Variants in BSG observed in about 807,000 individuals in gnomAD.
The protein encoded by BSG is basigin (Ok blood group), also known as basigin.
Under a neutral mutation model 43.1 loss-of-function variants are expected in BSG, and 37 were observed. The ratio of observed to expected loss-of-function variants is 0.86; its 90% CI spans 0.66 to 1.13. BSG has a LOEUF of 1.13. Among genes scored for constraint, BSG ranks in the 50% most tolerant of loss-of-function variants. The pLI is 0.00. For synonymous variants in BSG, 309 were observed against 238.7 expected (o/e 1.29, Z -2.72); for missense variants, 599 against 554.2 (o/e 1.08, Z -0.81).
chr19:581,356 C>T lies in BSG; in HGVS notation c.834C>T (p.Ser278=). The T allele has an allele frequency of 6.2e-7, 1 of 1,612,816 alleles. No individual in the cohort carries two copies. Among genetic ancestry groups the T allele is most frequent in the Non-Finnish European group, 8.5e-7 (1 of 1,179,912 alleles). Residue 278 remains serine, a synonymous_variant, in exon 6 of 9, where the codon TCC becomes TCT. Coordinates refer to ENST00000333511, the MANE Select transcript of BSG (RefSeq NM_001728.4). ...NGSESRFFVS[S]SQGRSELHIE... ...CCGAGAGCAGGTTCTTCGTGAGTTC[C>T]TCGCAGGGCCGGTCAGAGCTACACA...
intron 1 of BSG, among the ~76,000 whole-genome samples, chr19:576,047 C>T (rs956007703): frequency 5.9e-5 from 9 of 152,218 alleles, no homozygotes; most frequent in Admixed American, 3.9e-4. Flanking sequence ...CCTTTGGGAG[C>T]GATGCTGCCC....
chr19:571,488 A>G, upstream of BSG: 1 of 777,870 alleles, frequency 1.3e-6, no homozygotes, highest in Non-Finnish European at 2.4e-6. Flanking sequence ...CGTTGCTGAG[A>G]GTCTGGGTTT....
At position 579,528 on chromosome 19, in the gene BSG, C is replaced by T. The variant is rs145196054; in HGVS notation, c.444C>T (p.Asp148=). Residue 148 remains aspartate, a synonymous_variant, in exon 3 of 9, where the codon GAC becomes GAT. Coordinates refer to ENST00000333511, the MANE Select transcript of BSG (RefSeq NM_001728.4). ...EPGTVFTTVE[D]LGSKILLTCS... Reference sequence around the variant, plus strand: ...GCACAGTCTTCACTACCGTAGAAGACCTTGGCTCCAAGATACTCCTCACCT... The same window carrying T: ...GCACAGTCTTCACTACCGTAGAAGATCTTGGCTCCAAGATACTCCTCACCT... 6 of 1,612,714 alleles carry T rather than the reference C, an allele frequency of 3.7e-6. No individual in the cohort carries two copies. Among genetic ancestry groups the T allele is most frequent in the Non-Finnish European group, 5.1e-6 (6 of 1,179,926 alleles).
upstream of BSG, chr19:572,294 G>C (rs774465404): frequency 7.3e-5 from 54 of 740,382 alleles, no homozygotes; most frequent in Non-Finnish European, 8.8e-5. Flanking sequence ...CAACCCCCTC[G>C]GGCGCACCGC....
chr19:572,654 T>C lies in BSG; in HGVS notation c.20T>C (p.Val7Ala), dbSNP rs1981363395. MAAALF[V>A]LLGFALLGTH... Reference sequence around the variant, plus strand: ...GGAATCATGGCGGCTGCGCTGTTCGTGCTGCTGGGATTCGCGCTGCTGGGC... The same window carrying C: ...GGAATCATGGCGGCTGCGCTGTTCGCGCTGCTGGGATTCGCGCTGCTGGGC... The change falls in exon 1 of 9, where the codon GTG becomes GCG. Residue 7 changes from valine (V) to alanine (A), a missense_variant. By Grantham distance (64) the Val-to-Ala change is moderately conservative (BLOSUM62 0). Transcript: ENST00000333511. The C allele has an allele frequency of 2.7e-6, 4 of 1,506,848 alleles. No homozygotes were observed. Among genetic ancestry groups the C allele is most frequent in the Admixed American group, 2.2e-5 (1 of 45,956 alleles). 93.3% of individuals were successfully genotyped at this position (1,506,848 alleles called of 1,614,324 possible).
At chr19:571,612 A>T, upstream of BSG, 1 of 779,504 alleles carries the variant, frequency 1.3e-6, no homozygotes, top group East Asian at 2.4e-5. Flanking sequence ...ACAGAATGGG[A>T]TCCAAATGGG....
rs991578481 is a variant in BSG at position 578,390 on chromosome 19, C to T, written c.415+269C>T. 5.3e-5 allele frequency among the ~76,000 whole-genome samples: 8 copies of T among 152,218 alleles called. No homozygotes were observed. The East Asian group carries it at 7.7e-4, about 15-fold the overall frequency. On this transcript the variant is annotated intron_variant, in intron 2 of 8. Coordinates refer to ENST00000333511, the MANE Select transcript of BSG (RefSeq NM_001728.4). ...TCCTCCCCTCGACCCTCGTGCCATC[C>T]GTTCCGTCGTTTCTGCTTCCCCGGG...
chr19:573,007 C>CCAGGCCGGTCTTGGT (rs1305887452), intron 1 of BSG, among the ~76,000 whole-genome samples: 2 of 152,036 alleles, frequency 1.3e-5, no homozygotes, highest in Non-Finnish European at 2.9e-5. Flanking sequence ...GGGGTCCTGG[C>CCAGGCCGGTCTTGGT]CAGGCCGGTC....
At chr19:579,220 G>T (rs930752677) in intron 2 of BSG, 1 of 554,068 alleles carries the variant, frequency 1.8e-6, no homozygotes, top group Admixed American at 2.2e-5. Flanking sequence ...GGTTCCCAGC[G>T]CCTTAGCCCA....
At chr19:577,417 G>C (rs1284154666) in intron 1 of BSG, among the ~76,000 whole-genome samples, 13 of 152,162 alleles carry the variant, frequency 8.5e-5, no homozygotes. Flanking sequence ...TCAGGGTATC[G>C]GGCAGAAGTC....
At chr19:571,422 A>T, upstream of BSG, 2 of 723,318 alleles carry the variant, frequency 2.8e-6, no homozygotes, top group East Asian at 2.5e-5. Flanking sequence ...GTGTCGCCCC[A>T]ATAGCGACTT....
At position 578,157 on chromosome 19, in the gene BSG, G is replaced by C. The variant is rs201391206; in HGVS notation, c.415+36G>C. 3.6e-4 allele frequency: 536 copies of C among 1,492,178 alleles called. 3 individuals are homozygous for C. In the East Asian group the frequency reaches 0.012, roughly 33 times the overall value. 92.4% of individuals were successfully genotyped at this position (1,492,178 alleles called of 1,614,324 possible). A position where few individuals can be genotyped will look rare whatever the true frequency, so the allele number is the denominator to read the frequency against. On this transcript the variant is annotated intron_variant, in intron 2 of 8. Coordinates refer to ENST00000333511, the MANE Select transcript of BSG (RefSeq NM_001728.4). Reference sequence around the variant, plus strand: ...GGCACCTCCCTCCCCGCCTCCCTCAGTTTCCCTCCTGTGCCGCTCGCCTCC... The same window carrying C: ...GGCACCTCCCTCCCCGCCTCCCTCACTTTCCCTCCTGTGCCGCTCGCCTCC...
rs1296111657 is a variant in BSG at position 578,020 on chromosome 19, C to G, written c.314C>G (p.Thr105Ser). Residue 105 changes from threonine (T) to serine (S), a missense_variant, in exon 2 of 9, where the codon ACT becomes AGT. By Grantham distance (58) the Thr-to-Ser change is moderately conservative. Transcript: ENST00000333511. Reference protein sequence around the residue: ...IDTLVEEDTGTYECRASNDPD... With the variant: ...IDTLVEEDTGSYECRASNDPD... ...ACGCTCGTGGAGGAGGACACGGGCA[C>G]TTACGAGTGCCGGGCCAGCAACGAC... The G allele has an allele frequency of 1.9e-6, 3 of 1,611,936 alleles. No homozygotes were observed. The highest frequency in any genetic ancestry group is 2.5e-6 in the Non-Finnish European group (3 of 1,179,590).
rs997890584 is a variant in BSG at position 582,650 on chromosome 19, G to T, written c.*5+68G>T. The T allele has an allele frequency of 4.9e-6, 7 of 1,416,042 alleles. No individual in the cohort carries two copies. The African/African-American group carries it at 1.0e-4, about 20-fold the overall frequency. The allele number at this position is 1,416,042 out of a possible 1,614,324, so 87.7% of individuals were successfully genotyped here. ...GGGTGGGCGGGAACTCCTGAGCCAGGTGTGGTGGGCGGGATCTGCTAGCCA... is the reference window on the plus strand; with the variant it reads ...GGGTGGGCGGGAACTCCTGAGCCAGTTGTGGTGGGCGGGATCTGCTAGCCA... On this transcript the variant is annotated intron_variant, in intron 8 of 8. Transcript: ENST00000333511.
intron 1 of BSG, among the ~76,000 whole-genome samples, chr19:576,225 CAG>C (rs1981761230): frequency 6.6e-6 from 1 of 152,198 alleles, no homozygotes; most frequent in Non-Finnish European, 1.5e-5. Context: ...TGAGGTGAGT[CAG>C]GGGCCAGCCC....
intron 1 of BSG, among the ~76,000 whole-genome samples, chr19:573,070 A>AGGTTGAGGATCTCG (rs144098777): frequency 0.14 from 21,350 of 151,170 alleles, 1,739 homozygotes; most frequent in South Asian, 0.26. Context: ...GTTGGGGGTG[A>AGGTTGAGGATCTCG]CCTGCTTCCT....
chr19:571,293 C>T, upstream of BSG: 2 of 570,982 alleles, frequency 3.5e-6, no homozygotes, highest in South Asian at 2.1e-5. Flanking sequence ...AGTGTAGCCA[C>T]ATTCCTGCCC....
chr19:577,064 T>A (rs1981841837), intron 1 of BSG, among the ~76,000 whole-genome samples: 1 of 152,164 alleles, frequency 6.6e-6, no homozygotes, highest in Non-Finnish European at 1.5e-5. Flanking sequence ...CTCCCCACGC[T>A]TCCCCTTGGG....
At chr19:578,162 C>T (rs1452011559) in intron 2 of BSG, 41 bp downstream of exon 2, 7 of 1,473,014 alleles carry the variant, frequency 4.8e-6, no homozygotes, top group Non-Finnish European at 5.4e-6. Flanking sequence ...CCTCAGTTTC[C>T]CTCCTGTGCC....
Sources: allele counts gnomAD v4.1 joint callset (sites outside exome capture counted in the v4.1 genomes callset), GRCh38; gene constraint gnomAD v4.1.1; transcripts MANE v1.5; gene names NCBI Gene and HGNC (gene_info 2026-07-23, HGNC 2026-07-21).